STXBP4: variants seen among roughly 807,000 people sequenced by gnomAD.
The protein encoded by STXBP4 is syntaxin binding protein 4.
STXBP4 carries 55 observed loss-of-function variants against 76.1 expected under a neutral mutation model. The observed-to-expected ratio is 0.72, with a 90% CI of 0.58 to 0.91. STXBP4 has a LOEUF of 0.91. Among genes scored for constraint, STXBP4 ranks in the 40% least tolerant of loss-of-function variants. The pLI, the probability that STXBP4 is intolerant of heterozygous loss-of-function variation, is 0.00. For missense variants in STXBP4, 618 were observed against 636.9 expected, an observed-to-expected ratio of 0.97 and a Z score of 0.32; for synonymous variants, 201 against 220.2, an observed-to-expected ratio of 0.91 and a Z score of 0.77.
rs868710467 is a variant in STXBP4 at position 55,159,725 on chromosome 17, A to G, written c.1548-72A>G. ...TTACTAGGGTAGAAGCAATGTCACCAGGATCAGTACTTGCATGGATGAGTA... is the reference window on the plus strand; with the variant it reads ...TTACTAGGGTAGAAGCAATGTCACCGGGATCAGTACTTGCATGGATGAGTA... On this transcript the variant is annotated intron_variant, in intron 17 of 17. Coordinates refer to ENST00000376352, the MANE Select transcript of STXBP4 (RefSeq NM_178509.6). 442 of 978,590 alleles carry G rather than the reference A, an allele frequency of 4.5e-4. 4 individuals are homozygous for G. Among genetic ancestry groups the G allele is most frequent in the South Asian group, 4.0e-3 (262 of 65,370 alleles). 60.6% of individuals were successfully genotyped at this position (978,590 alleles called of 1,614,324 possible).
chr17:55,123,862 G>C (rs1056208772), intron 16 of STXBP4, among the ~76,000 whole-genome samples: 1 of 151,502 alleles, frequency 6.6e-6, no homozygotes, highest in East Asian at 1.9e-4. Flanking sequence ...ATTGCACCAC[G>C]GCACTCCAAC....
chr17:55,119,040 T>G (rs922534548), intron 16 of STXBP4, among the ~76,000 whole-genome samples: 2 of 151,656 alleles, frequency 1.3e-5, no homozygotes, highest in Non-Finnish European at 2.9e-5. Flanking sequence ...TGTGCCATGT[T>G]GGTGTGCTGC....
At chr17:55,000,074 CA>C (rs2077882951) in intron 6 of STXBP4, 2 of 379,446 alleles carry the variant, frequency 5.3e-6, no homozygotes, top group Non-Finnish European at 3.6e-6. Context: ...ACCAGCATGA[CA>C]AAATGGTTCC....
chr17:55,208,478 T>C, the STXBP4 span, among the ~76,000 whole-genome samples: 1 of 151,346 alleles, frequency 6.6e-6, no homozygotes, highest in African/African-American at 2.4e-5. Flanking sequence ...AGGTACAACG[T>C]GAAAAATCAG....
At chr17:55,053,783 C>G (rs1025535604) in intron 12 of STXBP4, among the ~76,000 whole-genome samples, 1 of 151,868 alleles carries the variant, frequency 6.6e-6, no homozygotes, top group East Asian at 1.9e-4. Flanking sequence ...TACATTTTAG[C>G]GTTTGCATCC....
At position 55,108,328 on chromosome 17, in the gene STXBP4, T is replaced by C. The variant is rs142318066; in HGVS notation, c.1489+27145T>C. Among the ~76,000 whole-genome samples the C allele has an allele frequency of 7.5e-3, 1,145 of 152,210 alleles. 21 individuals are homozygous for C. Among genetic ancestry groups the C allele is most frequent in the African/African-American group, 0.026 (1,083 of 41,522 alleles). ...GCAGCAAGAATTTCAAGCCAATGGA[T>C]CTTAGCTTGCTGGGCTCCGTGGGAG... On this transcript the variant is annotated intron_variant, in intron 16 of 17. Coordinates refer to ENST00000376352, the MANE Select transcript of STXBP4 (RefSeq NM_178509.6).
At chr17:55,097,762 C>T (rs941704692) in intron 16 of STXBP4, among the ~76,000 whole-genome samples, 9 of 152,060 alleles carry the variant, frequency 5.9e-5, no homozygotes, top group Non-Finnish European at 1.0e-4. Flanking sequence ...TTCATTTTTA[C>T]TTGTAGAGAA....
rs114940969 is a variant in STXBP4, at chr17:54,994,936, C to T, written c.180+3979C>T. ...AAGGGTTGTGTTGCCTGCTTTCCCC[C>T]AGTCTAGGCTAGGTTTTATTTTTTT... On this transcript the variant is annotated intron_variant, in intron 4 of 17. Transcript: ENST00000376352. Among the ~76,000 whole-genome samples the T allele has an allele frequency of 3.0e-3, 454 of 152,140 alleles. 5 individuals carry two copies. The highest frequency in any genetic ancestry group is 0.011 in the African/African-American group (440 of 41,512).
At chr17:55,001,763 G>A (rs2077921228) in intron 7 of STXBP4, among the ~76,000 whole-genome samples, 1 of 152,090 alleles carries the variant, frequency 6.6e-6, no homozygotes, top group Non-Finnish European at 1.5e-5. Context: ...CTCCCAAGTA[G>A]CTGGGATTAC....
rs547267502 is a variant in STXBP4, at chr17:55,162,873, C to G, written c.*2962C>G. 7 of 152,160 alleles carry G rather than the reference C, an allele frequency of 4.6e-5. No individual in the cohort carries two copies. Among genetic ancestry groups the G allele is most frequent in the Admixed American group, 2.6e-4 (4 of 15,272 alleles). The allele number at this position is 152,160 out of a possible 1,614,324, so 9.4% of individuals were successfully genotyped here. A position where few individuals can be genotyped will look rare whatever the true frequency, so the allele number is the denominator to read the frequency against. ...TTTCAAATGTCTACATAAAATATCA[C>G]TACCCACATAACCTATAATTTGTGT... is the stretch of plus-strand genomic sequence containing the variant. On this transcript the variant is annotated 3_prime_UTR_variant, in exon 18 of 18. Coordinates refer to ENST00000376352, the MANE Select transcript of STXBP4 (RefSeq NM_178509.6).
At chr17:55,012,985 C>T (rs1014139147) in intron 8 of STXBP4, among the ~76,000 whole-genome samples, 3 of 152,178 alleles carry the variant, frequency 2.0e-5, no homozygotes, top group Non-Finnish European at 4.4e-5. Context: ...AGTAATAGAG[C>T]CTGATATTTA....
At chr17:55,116,765 T>C (rs2079784893) in intron 16 of STXBP4, among the ~76,000 whole-genome samples, 1 of 151,850 alleles carries the variant, frequency 6.6e-6, no homozygotes, top group Admixed American at 6.6e-5. Context: ...AAAAAAACTT[T>C]GGGCCTTTGT....
intron 1 of STXBP4, among the ~76,000 whole-genome samples, chr17:54,972,866 A>G (rs1213311199): frequency 1.3e-5 from 2 of 152,154 alleles, no homozygotes; most frequent in Non-Finnish European, 2.9e-5. Flanking sequence ...AATTCCCCCC[A>G]TATGTAAGCA....
At chr17:55,097,434 C>T (rs572196427) in intron 16 of STXBP4, among the ~76,000 whole-genome samples, 131 of 152,218 alleles carry the variant, frequency 8.6e-4, no homozygotes, top group Non-Finnish European at 1.2e-3. Context: ...GGGGCCAAGG[C>T]GGGCGGATCA....
chr17:55,019,809 A>G (rs2078274315), intron 8 of STXBP4, among the ~76,000 whole-genome samples: 2 of 152,218 alleles, frequency 1.3e-5, no homozygotes, highest in South Asian at 4.1e-4. Flanking sequence ...GGTCACAGTT[A>G]TCGTCTCTAA....
In STXBP4 at chr17:55,171,000, C is replaced by G. The variant is rs2080403291; in HGVS notation, c.*11089C>G. The G allele has an allele frequency of 6.6e-6, 1 of 152,196 alleles. No homozygotes were observed. Among genetic ancestry groups the G allele is most frequent in the Admixed American group, 6.6e-5 (1 of 15,266 alleles). 9.4% of individuals were successfully genotyped at this position (152,196 alleles called of 1,614,324 possible). A position where few individuals can be genotyped will look rare whatever the true frequency, so the allele number is the denominator to read the frequency against. ...TCTCAGAGCAGTATCATTGGTTGAG[C>G]AGTCCTGCAGGACATCTAAGTTTAC... On this transcript the variant is annotated 3_prime_UTR_variant, in exon 18 of 18. Coordinates refer to ENST00000376352, the MANE Select transcript of STXBP4 (RefSeq NM_178509.6).
In STXBP4 at chr17:55,160,550, A is replaced by C. The variant is rs2080327949; in HGVS notation, c.*639A>C. 6.6e-6 allele frequency: 1 copy of C among 152,614 alleles called. No individual in the cohort carries two copies. Among genetic ancestry groups the C allele is most frequent in the Non-Finnish European group, 1.5e-5 (1 of 68,102 alleles). 9.5% of individuals were successfully genotyped at this position (152,614 alleles called of 1,614,324 possible). On this transcript the variant is annotated 3_prime_UTR_variant, in exon 18 of 18. Coordinates refer to ENST00000376352, the MANE Select transcript of STXBP4 (RefSeq NM_178509.6). ...TTTCAGTAGGGAAATAGCAGTTCAG[A>C]GAGAGGAAGCTCTCTGTCCCAGCAC...
intron 12 of STXBP4, among the ~76,000 whole-genome samples, chr17:55,063,285 C>T (rs1011192917): frequency 1.2e-4 from 18 of 152,116 alleles, no homozygotes; most frequent in African/African-American, 4.3e-4. Context: ...AAGATCTTAC[C>T]ATGTTAATGA....
At chr17:54,990,782 G>T in intron 3 of STXBP4, 43 bp from the exon 4 acceptor site, 1 of 1,543,546 alleles carries the variant, frequency 6.5e-7, no homozygotes, top group Non-Finnish European at 8.7e-7. Flanking sequence ...AATAGGTGCA[G>T]ATCTCTAGAC....
Sources: allele counts gnomAD v4.1 joint callset (sites outside exome capture counted in the v4.1 genomes callset), GRCh38; gene constraint gnomAD v4.1.1; transcripts MANE v1.5; gene names NCBI Gene and HGNC (gene_info 2026-07-23, HGNC 2026-07-21).